The following KIAA1671 variants were observed in gnomAD, a reference collection of about 807,000 sequenced individuals.
The protein encoded by KIAA1671 is uncharacterized protein KIAA1671.
In KIAA1671, 52 loss-of-function variants were observed where a neutral mutation model predicts 131.2. The observed-to-expected ratio is 0.40, with a 90% CI of 0.32 to 0.50. KIAA1671 has a LOEUF of 0.50. KIAA1671 is among the 20% of genes least tolerant of loss of function. The pLI is 0.73. For synonymous variants in KIAA1671, 1,003 were observed against 961.6 expected (o/e 1.04, Z -0.80); for missense variants, 2,360 against 2,364.2 (o/e 1.00, Z 0.04).
At position 25,056,179 on chromosome 22, in the gene KIAA1671, A is replaced by G. The variant is rs911711823; in HGVS notation, c.4530+6815A>G. On this transcript the variant is annotated intron_variant, in intron 6 of 12. Coordinates refer to ENST00000358431, the MANE Select transcript of KIAA1671 (RefSeq NM_001145206.2). ...CACCACGCCCAGTGGAATATTTTAT[A>G]TATATATTCTGGATATTAATCCCAT... is the stretch of plus-strand genomic sequence containing the variant. 9 of 149,088 alleles carry G rather than the reference A, an allele frequency of 6.0e-5. 1 individual carries two copies. Among genetic ancestry groups the G allele is most frequent in the African/African-American group, 1.7e-4 (7 of 40,960 alleles). 9.2% of individuals were successfully genotyped at this position (149,088 alleles called of 1,614,324 possible).
At chr22:24,968,100 G>T (rs1922402184) in intron 1 of KIAA1671, among the ~76,000 whole-genome samples, 3 of 152,188 alleles carry the variant, frequency 2.0e-5, no homozygotes, top group Admixed American at 2.0e-4. Context: ...TTTAACTCGA[G>T]AAAGGCAGTG....
At chr22:25,164,028 CTGAGGCACT>C (rs1417764535) in intron 6 of KIAA1671, among the ~76,000 whole-genome samples, 4 of 152,218 alleles carry the variant, frequency 2.6e-5, no homozygotes, top group African/African-American at 9.6e-5. Context: ...AAGCTGTCCA[CTGAGGCACT>C]TGTCTTTGCC....
intron 5 of KIAA1671, among the ~76,000 whole-genome samples, chr22:25,048,648 T>TG (rs1927369018): frequency 6.6e-6 from 1 of 151,960 alleles, no homozygotes; most frequent in Non-Finnish European, 1.5e-5. Flanking sequence ...TATAACTAAG[T>TG]GGAAAAAAAC....
rs747758108 is a variant in KIAA1671, at chr22:25,033,483, G to A, written c.1629+787G>A. Reference sequence around the variant, plus strand: ...TTTTTATTTCATCTTTTTAATAAGAGAAAACTCATAAAATTGTCTCCTAGC... The same window carrying A: ...TTTTTATTTCATCTTTTTAATAAGAAAAAACTCATAAAATTGTCTCCTAGC... On this transcript the variant is annotated intron_variant, in intron 4 of 12. Coordinates refer to ENST00000358431, the MANE Select transcript of KIAA1671 (RefSeq NM_001145206.2). 3.6e-4 allele frequency among the ~76,000 whole-genome samples: 54 copies of A among 149,818 alleles called. 1 individual carries two copies. The Middle Eastern group carries it at 0.014, about 39-fold the overall frequency.
chr22:24,994,915 C>G (rs377102154), intron 1 of KIAA1671, among the ~76,000 whole-genome samples: 1 of 152,092 alleles, frequency 6.6e-6, no homozygotes. Context: ...GAGGGGTCCA[C>G]TCTATCCCCT....
chr22:25,186,895 C>T (rs927507229), intron 11 of KIAA1671, among the ~76,000 whole-genome samples: 6 of 152,210 alleles, frequency 3.9e-5, no homozygotes, highest in Non-Finnish European at 8.8e-5. Flanking sequence ...TGGAGGGCTC[C>T]AGCATTTCTC....
intron 6 of KIAA1671, among the ~76,000 whole-genome samples, chr22:25,145,918 C>T (rs150273980): frequency 6.7e-5 from 10 of 148,858 alleles, no homozygotes; most frequent in South Asian, 2.2e-4. Flanking sequence ...CCAGCCTGGG[C>T]GACAGAACAC....
At chr22:25,153,113 A>AGTAT (rs2145980553) in intron 6 of KIAA1671, among the ~76,000 whole-genome samples, 1 of 152,348 alleles carries the variant, frequency 6.6e-6, no homozygotes, top group Admixed American at 6.5e-5. Flanking sequence ...CACATAGTAT[A>AGTAT]GTATATCAAT....
chr22:25,117,881 G>T (rs2145924142), intron 6 of KIAA1671, among the ~76,000 whole-genome samples: 1 of 152,150 alleles, frequency 6.6e-6, no homozygotes, highest in Non-Finnish European at 1.5e-5. Context: ...TGACTCACCT[G>T]TAATCCCAGC....
chr22:24,981,822 G>T (rs763264831), intron 1 of KIAA1671, among the ~76,000 whole-genome samples: 30 of 152,214 alleles, frequency 2.0e-4, no homozygotes, highest in Non-Finnish European at 3.8e-4. Flanking sequence ...GTGGAGGACT[G>T]CTTGAGCCTG....
chr22:24,972,612 C>T (rs1478343341), intron 1 of KIAA1671, among the ~76,000 whole-genome samples: 1 of 152,140 alleles, frequency 6.6e-6, no homozygotes, highest in Non-Finnish European at 1.5e-5. Context: ...CCTTCCATTC[C>T]ATCCACTTAT....
intron 6 of KIAA1671, among the ~76,000 whole-genome samples, chr22:25,093,737 ACTCTCTCTCTCT>A (rs1326086246): frequency 3.3e-5 from 1 of 30,154 alleles, no homozygotes; most frequent in South Asian, 1.3e-3. Context: ...ACACACACAC[ACTCTCTCTCTCT>A]CTCTCTCTCT....
At chr22:24,969,100 A>G (rs1032689231) in intron 1 of KIAA1671, among the ~76,000 whole-genome samples, 12 of 151,942 alleles carry the variant, frequency 7.9e-5, no homozygotes, top group Non-Finnish European at 1.2e-4. Context: ...AGAATCTCCC[A>G]TTGTTGCCTA....
At chr22:25,044,123 G>A (rs1188438558) in intron 5 of KIAA1671, among the ~76,000 whole-genome samples, 3 of 152,178 alleles carry the variant, frequency 2.0e-5, no homozygotes, top group African/African-American at 7.2e-5. Flanking sequence ...ACCACCATGT[G>A]CAGGATCACG....
intron 1 of KIAA1671, among the ~76,000 whole-genome samples, chr22:24,961,432 C>T (rs1441325172): frequency 6.6e-6 from 1 of 152,216 alleles, no homozygotes; most frequent in Non-Finnish European, 1.5e-5. Context: ...TAACAAACAT[C>T]TCCTACATCG....
At chr22:25,029,957 G>T (rs1042670665) in intron 3 of KIAA1671, among the ~76,000 whole-genome samples, 2 of 152,216 alleles carry the variant, frequency 1.3e-5, no homozygotes, top group African/African-American at 4.8e-5. Flanking sequence ...TTGGGCCTAA[G>T]CCTTTATGAG....
chr22:24,983,448 C>A (rs1351974911), intron 1 of KIAA1671, among the ~76,000 whole-genome samples: 2 of 152,048 alleles, frequency 1.3e-5, no homozygotes, highest in African/African-American at 4.8e-5. Context: ...TGCAGAGTGA[C>A]CTCATTCAGA....
At chr22:25,148,208 C>T (rs1018209194) in intron 6 of KIAA1671, among the ~76,000 whole-genome samples, 2 of 151,676 alleles carry the variant, frequency 1.3e-5, no homozygotes, top group Non-Finnish European at 2.9e-5. Context: ...CCAGCACCCC[C>T]CTCAGTCCCA....
chr22:24,996,320 A>C (rs1924134292), intron 1 of KIAA1671, among the ~76,000 whole-genome samples: 1 of 152,058 alleles, frequency 6.6e-6, no homozygotes, highest in African/African-American at 2.4e-5. Context: ...ATGAAAGTAA[A>C]GGGCATCGGG....
Sources: gnomAD v4.1 joint callset for allele counts (sites outside exome capture counted in the v4.1 genomes callset) on GRCh38, gnomAD v4.1.1 for gene constraint, MANE v1.5 for transcripts, NCBI Gene and HGNC (gene_info 2026-07-23, HGNC 2026-07-21) for gene names.